Variants in KIAA1549 observed in about 807,000 individuals in gnomAD.
KIAA1549 encodes UPF0606 protein KIAA1549.
Under a neutral mutation model 156.4 loss-of-function variants are expected in KIAA1549, and 70 were observed. That is an observed-to-expected ratio of 0.45 (90% CI 0.37 to 0.55). KIAA1549 has a LOEUF of 0.55. Ranked by LOEUF, KIAA1549 falls within the 20% of genes least tolerant of loss-of-function variation. The pLI, the probability that KIAA1549 is intolerant of heterozygous loss-of-function variation, is 0.00. For missense variants in KIAA1549, 2,428 were observed against 2,540.9 expected, an observed-to-expected ratio of 0.96 and a Z score of 0.96; for synonymous variants, 1,103 against 1,066.4, an observed-to-expected ratio of 1.03 and a Z score of -0.67.
intron 1 of KIAA1549, among the ~76,000 whole-genome samples, chr7:138,968,508 A>G (rs551564860): frequency 1.2e-4 from 19 of 152,122 alleles, no homozygotes; most frequent in Non-Finnish European, 2.5e-4. Context: ...ACAGAGCTTT[A>G]TTTTTCAATC....
chr7:138,977,746 CT>C (rs911139582), intron 1 of KIAA1549, among the ~76,000 whole-genome samples: 3 of 152,002 alleles, frequency 2.0e-5, no homozygotes, highest in African/African-American at 7.3e-5. Context: ...GTCGTCCAGG[CT>C]GGAGTACAAT....
rs1219829628 is a variant in KIAA1549, at chr7:138,836,118, G to C, written c.*1788C>G. On this transcript the variant is annotated 3_prime_UTR_variant, in exon 20 of 20. Coordinates refer to ENST00000422774, the MANE Select transcript of KIAA1549 (RefSeq NM_001164665.2). Reference sequence around the variant, plus strand: ...GACACAGATACACAGGTTTTGATCAGTCAGAGCCCCAAATTCTATAGCCCC... The same window carrying C: ...GACACAGATACACAGGTTTTGATCACTCAGAGCCCCAAATTCTATAGCCCC... 1 of 213,350 alleles carries C rather than the reference G, an allele frequency of 4.7e-6. No individual in the cohort carries two copies. The highest frequency in any genetic ancestry group is 9.5e-6 in the Non-Finnish European group (1 of 105,624). 13.2% of individuals were successfully genotyped at this position (213,350 alleles called of 1,614,324 possible). A position where few individuals can be genotyped will look rare whatever the true frequency, so the allele number is the denominator to read the frequency against.
Position 138,837,783 on chromosome 7 carries a change from C to T in KIAA1549, c.*123G>A. ...GCATCTTCTAAATTGCAACTTGCTCCCTCCCTTGGGCAGGCTGCCCGAGAG... is the reference window on the plus strand; with the variant it reads ...GCATCTTCTAAATTGCAACTTGCTCTCTCCCTTGGGCAGGCTGCCCGAGAG... On this transcript the variant is annotated 3_prime_UTR_variant, in exon 20 of 20. Transcript: ENST00000422774. 8.7e-7 allele frequency: 1 copy of T among 1,144,894 alleles called. No individual in the cohort carries two copies. The highest frequency in any genetic ancestry group is 1.2e-6 in the Non-Finnish European group (1 of 820,554). The allele number at this position is 1,144,894 out of a possible 1,614,324, so 70.9% of individuals were successfully genotyped here. A position where few individuals can be genotyped will look rare whatever the true frequency, so the allele number is the denominator to read the frequency against.
chr7:138,924,182 C>CTTTT (rs1233229501), intron 1 of KIAA1549, among the ~76,000 whole-genome samples: 3 of 92,352 alleles, frequency 3.2e-5, no homozygotes, highest in African/African-American at 5.3e-5. Flanking sequence ...CTTTTCTTTT[C>CTTTT]TTTTTTTTTT....
At chr7:138,869,893 A>G (rs1286053038) in intron 13 of KIAA1549, 132 bp from the exon 14 acceptor site, 63 of 694,068 alleles carry the variant, frequency 9.1e-5, no homozygotes, top group Non-Finnish European at 9.4e-6. Context: ...TCTGTTGCCC[A>G]GGCTGGAGTG....
chr7:138,892,112 T>C (rs554498441), intron 10 of KIAA1549, among the ~76,000 whole-genome samples: 1 of 152,142 alleles, frequency 6.6e-6, no homozygotes, highest in African/African-American at 2.4e-5. Context: ...TCAGGATGTA[T>C]GGGCAGGTCT....
At chr7:138,900,833 C>G (rs1811821458) in intron 8 of KIAA1549, among the ~76,000 whole-genome samples, 1 of 152,250 alleles carries the variant, frequency 6.6e-6, no homozygotes, top group Admixed American at 6.5e-5. Context: ...GGGGAAGCAG[C>G]CTGCGGCCCT....
intron 12 of KIAA1549, among the ~76,000 whole-genome samples, chr7:138,875,149 C>CT (rs1261953869): frequency 2.6e-5 from 4 of 152,128 alleles, no homozygotes; most frequent in Non-Finnish European, 5.9e-5. Context: ...ATAACTTTGT[C>CT]TGTGGTGACA....
Position 138,933,566 on chromosome 7 carries a change from T to C in KIAA1549, c.188-14128A>G, listed in dbSNP as rs116446017. Among the ~76,000 whole-genome samples, 469 of 152,352 alleles carry C rather than the reference T, an allele frequency of 3.1e-3. 4 individuals are homozygous for C. Among genetic ancestry groups the C allele is most frequent in the African/African-American group, 0.011 (459 of 41,582 alleles). Reference sequence around the variant, plus strand: ...CATTGAACAAATGCAAACTTCATAATTGTGGTAACCCCACTATGATCATGT... The same window carrying C: ...CATTGAACAAATGCAAACTTCATAACTGTGGTAACCCCACTATGATCATGT... On this transcript the variant is annotated intron_variant, in intron 1 of 19. Coordinates refer to ENST00000422774, the MANE Select transcript of KIAA1549 (RefSeq NM_001164665.2).
intron 1 of KIAA1549, among the ~76,000 whole-genome samples, chr7:138,944,832 C>A (rs1298684494): frequency 1.3e-5 from 2 of 152,136 alleles, no homozygotes; most frequent in Non-Finnish European, 2.9e-5. Flanking sequence ...ATGAAATATC[C>A]AGAAAAGGCA....
intron 1 of KIAA1549, among the ~76,000 whole-genome samples, chr7:138,957,459 C>CCTTCTT (rs57229286): frequency 0.25 from 31,470 of 124,938 alleles, 4,434 homozygotes; most frequent in African/African-American, 0.38. Flanking sequence ...CCCTCCTTCT[C>CCTTCTT]CTTCTTCTTC....
At chr7:138,915,518 G>A (rs556114359) in intron 2 of KIAA1549, among the ~76,000 whole-genome samples, 166 of 152,034 alleles carry the variant, frequency 1.1e-3, no homozygotes, top group African/African-American at 3.4e-3. Flanking sequence ...GATCACTGAC[G>A]TGTACCTGCC....
chr7:138,885,498 A>C (rs1230250383), intron 10 of KIAA1549, among the ~76,000 whole-genome samples: 1 of 152,048 alleles, frequency 6.6e-6, no homozygotes, highest in African/African-American at 2.4e-5. Flanking sequence ...ATCTTCATAC[A>C]TTCTCTAATA....
At chr7:138,962,611 T>A (rs582427) in intron 1 of KIAA1549, among the ~76,000 whole-genome samples, 12 of 151,938 alleles carry the variant, frequency 7.9e-5, no homozygotes, top group African/African-American at 2.7e-4. Flanking sequence ...TGGTGGGACA[T>A]GAAGGTAGGA....
chr7:138,871,277 C>T lies in KIAA1549; in HGVS notation c.4431G>A (p.Glu1477=). 3 of 1,610,790 alleles carry T rather than the reference C, an allele frequency of 1.9e-6. No homozygotes were observed. The highest frequency in any genetic ancestry group is 1.7e-4 in the Middle Eastern group (1 of 6,048). ...EHVDRISRPP[E]ASRRVPSKIQ... is the part of the protein sequence containing the mutation. Reference sequence around the variant, plus strand: ...TCTTACTGGGGACCCGCCGGCTAGCCTCCGGGGGGCGGGAGATCCTGTCCA... The same window carrying T: ...TCTTACTGGGGACCCGCCGGCTAGCTTCCGGGGGGCGGGAGATCCTGTCCA... Residue 1477 remains glutamate, a synonymous_variant, in exon 13 of 20, where the codon GAG becomes GAA. Transcript: ENST00000422774.
rs1813722809 is a variant in KIAA1549 at position 138,958,087 on chromosome 7, T to C, written c.187+22996A>G. Among the ~76,000 whole-genome samples, 3 of 152,374 alleles carry C rather than the reference T, an allele frequency of 2.0e-5. No individual in the cohort carries two copies. The South Asian group carries it at 6.2e-4, about 32-fold the overall frequency. Reference sequence around the variant, plus strand: ...GAATACATATTTGTCTTTCCTCGTCTTTGCACGACTGTTATCCTCTGGATA... The same window carrying C: ...GAATACATATTTGTCTTTCCTCGTCCTTGCACGACTGTTATCCTCTGGATA... On this transcript the variant is annotated intron_variant, in intron 1 of 19. Coordinates refer to ENST00000422774, the MANE Select transcript of KIAA1549 (RefSeq NM_001164665.2).
chr7:138,855,660 G>T (rs769206770), intron 16 of KIAA1549, among the ~76,000 whole-genome samples: 3 of 152,074 alleles, frequency 2.0e-5, no homozygotes, highest in Non-Finnish European at 2.9e-5. Flanking sequence ...ATATACTTGG[G>T]TACTGAATAT....
At chr7:138,972,244 T>C (rs1814241069) in intron 1 of KIAA1549, among the ~76,000 whole-genome samples, 4 of 152,024 alleles carry the variant, frequency 2.6e-5, no homozygotes, top group Admixed American at 2.6e-4. Context: ...AAAGCCTTCC[T>C]CCATGTTCCA....
chr7:138,852,347 A>T, intron 16 of KIAA1549, 78 bp from the exon 17 acceptor site: 1 of 949,244 alleles, frequency 1.1e-6, no homozygotes, highest in Non-Finnish European at 1.6e-6. Flanking sequence ...TTATAAATTC[A>T]GCTTTACAGG....
Sources: gnomAD v4.1 joint callset for allele counts (sites outside exome capture counted in the v4.1 genomes callset) on GRCh38, gnomAD v4.1.1 for gene constraint, MANE v1.5 for transcripts, NCBI Gene and HGNC (gene_info 2026-07-23, HGNC 2026-07-21) for gene names.